Variants in MAP2 observed in about 807,000 individuals in gnomAD.
MAP2 encodes the protein microtubule-associated protein 2.
A neutral mutation model predicts 137.6 loss-of-function variants in MAP2; 14 were observed. The observed-to-expected ratio is 0.10, with a 90% confidence interval of 0.07 to 0.16. The LOEUF (loss-of-function observed/expected upper bound fraction) is 0.16. Ranked by LOEUF, MAP2 falls within the 10% of genes least tolerant of loss-of-function variation. The probability of loss-of-function intolerance (pLI) is 1.00; values close to 1 mark genes in which losing one functional copy is unlikely to be tolerated. For missense variants in MAP2, 2,088 were observed against 2,191.5 expected (o/e 0.95, Z 0.94); for synonymous variants, 786 against 782.3 (o/e 1.00, Z -0.08).
chr2:209,725,900 A>G (rs891228844), intron 14 of MAP2, 110 bp downstream of exon 14: 1 of 595,328 alleles, frequency 1.7e-6, no homozygotes, highest in Non-Finnish European at 2.8e-6. Flanking sequence ...GTTTTAAAAT[A>G]TGGGTACTTC....
chr2:209,601,217 T>C (rs965839234), intron 3 of MAP2, among the ~76,000 whole-genome samples: 19 of 152,310 alleles, frequency 1.2e-4, no homozygotes, highest in African/African-American at 4.3e-4. Flanking sequence ...AAAATTTTTA[T>C]TTTTATTTAG....
intron 11 of MAP2, among the ~76,000 whole-genome samples, chr2:209,702,964 C>A (rs1418536472): frequency 6.6e-6 from 1 of 152,068 alleles, no homozygotes; most frequent in Non-Finnish European, 1.5e-5. Context: ...TCATACTTAT[C>A]TATATTTTTA....
intron 1 of MAP2, among the ~76,000 whole-genome samples, chr2:209,499,877 G>A (rs2060179850): frequency 1.3e-5 from 2 of 152,170 alleles, no homozygotes; most frequent in African/African-American, 2.4e-5. Flanking sequence ...ACCAAGCCAT[G>A]AGAGCTCTGC....
intron 2 of MAP2, among the ~76,000 whole-genome samples, chr2:209,532,449 A>G (rs2065265392): frequency 6.6e-6 from 1 of 152,124 alleles, no homozygotes; most frequent in Non-Finnish European, 1.5e-5. Context: ...AAACTAGGTA[A>G]TATTGTTATC....
At chr2:209,630,926 C>A (rs1187897733) in intron 4 of MAP2, among the ~76,000 whole-genome samples, 1 of 139,156 alleles carries the variant, frequency 7.2e-6, no homozygotes, top group African/African-American at 2.7e-5. Flanking sequence ...TGTTTATAAG[C>A]CCTTAAAAGT....
intron 2 of MAP2, among the ~76,000 whole-genome samples, chr2:209,518,569 T>G (rs2150361278): frequency 6.6e-6 from 1 of 152,172 alleles, no homozygotes; most frequent in Admixed American, 6.6e-5. Context: ...TGCCTCTTCT[T>G]TTCTTCCTTC....
intron 3 of MAP2, among the ~76,000 whole-genome samples, chr2:209,621,283 G>C (rs911433946): frequency 5.5e-5 from 7 of 127,070 alleles, no homozygotes; most frequent in African/African-American, 2.6e-4. Flanking sequence ...TTTTGAGAGA[G>C]AGTCTTGCTG....
chr2:209,572,191 A>C (rs1004597513), intron 2 of MAP2, among the ~76,000 whole-genome samples: 1 of 152,060 alleles, frequency 6.6e-6, no homozygotes, highest in Non-Finnish European at 1.5e-5. Flanking sequence ...GAGCAATTGG[A>C]AAGTGATTTC....
intron 1 of MAP2, among the ~76,000 whole-genome samples, chr2:209,428,451 C>G (rs1288442332): frequency 1.3e-5 from 2 of 149,772 alleles, no homozygotes; most frequent in African/African-American, 2.5e-5. Flanking sequence ...CATACCTTGA[C>G]TTTTTTCTTT....
intron 1 of MAP2, among the ~76,000 whole-genome samples, chr2:209,442,186 T>C (rs1260285559): frequency 1.3e-5 from 2 of 151,566 alleles, no homozygotes; most frequent in African/African-American, 2.4e-5. Flanking sequence ...TTCTATTAAG[T>C]CCTAATATTT....
chr2:209,439,957 GAT>G (rs1244212919), intron 1 of MAP2, among the ~76,000 whole-genome samples: 1 of 151,300 alleles, frequency 6.6e-6, no homozygotes, highest in Non-Finnish European at 1.5e-5. Context: ...AAAAAATCAT[GAT>G]AAGTTACAAA....
At position 209,730,547 on chromosome 2, in the gene MAP2, A is replaced by T; in HGVS notation, c.*150A>T. On this transcript the variant is annotated 3_prime_UTR_variant, in exon 16 of 16. Coordinates refer to ENST00000682079, the MANE Select transcript of MAP2 (RefSeq NM_001375505.1). ...TAGTAATTGTTACAATTTTCTATTT[A>T]AAAAATGAATAGTACATGCAGAAAT... is the stretch of plus-strand genomic sequence containing the variant. 1 of 640,850 alleles carries T rather than the reference A, an allele frequency of 1.6e-6. No homozygotes were observed. The highest frequency in any genetic ancestry group is 2.0e-5 in the South Asian group (1 of 49,992). 39.7% of individuals were successfully genotyped at this position (640,850 alleles called of 1,614,324 possible).
At chr2:209,550,324 T>C (rs189885159) in intron 2 of MAP2, among the ~76,000 whole-genome samples, 1 of 152,300 alleles carries the variant, frequency 6.6e-6, no homozygotes, top group East Asian at 1.9e-4. Context: ...CTTATGATTA[T>C]AGAAATAAAG....
intron 3 of MAP2, among the ~76,000 whole-genome samples, chr2:209,622,462 A>G (rs929854176): frequency 6.6e-6 from 1 of 152,184 alleles, no homozygotes. Context: ...TCTCATTTGT[A>G]AAGTGGGGAC....
At chr2:209,617,271 T>C (rs562963043) in intron 3 of MAP2, among the ~76,000 whole-genome samples, 58 of 152,240 alleles carry the variant, frequency 3.8e-4, no homozygotes, top group African/African-American at 1.4e-3. Context: ...TTTTGGGTTA[T>C]TGTTTTCTGA....
intron 3 of MAP2, among the ~76,000 whole-genome samples, chr2:209,598,838 A>T (rs1156711111): frequency 1.3e-5 from 2 of 150,646 alleles, no homozygotes; most frequent in African/African-American, 4.9e-5. Flanking sequence ...TTCTTAATCC[A>T]GTCTATCATT....
intron 3 of MAP2, among the ~76,000 whole-genome samples, chr2:209,593,619 CAAAA>C (rs781329429): frequency 5.1e-3 from 15 of 2,932 alleles, no homozygotes; most frequent in East Asian, 0.01. Flanking sequence ...CCTGTCTCTA[CAAAA>C]AAAAAAAAAA....
chr2:209,667,660 T>C (rs1377116157), intron 5 of MAP2, among the ~76,000 whole-genome samples: 2 of 151,994 alleles, frequency 1.3e-5, no homozygotes, highest in South Asian at 4.1e-4. Context: ...ATTGTAATAT[T>C]TTCCTGAAAA....
chr2:209,563,827 G>A (rs769914510), intron 2 of MAP2, among the ~76,000 whole-genome samples: 6 of 146,302 alleles, frequency 4.1e-5, no homozygotes, highest in African/African-American at 5.6e-5. Context: ...TTTGCTTTGC[G>A]TTGAAAAAAT....
Sources: allele counts gnomAD v4.1 joint callset (sites outside exome capture counted in the v4.1 genomes callset), GRCh38; gene constraint gnomAD v4.1.1; transcripts MANE v1.5; gene names NCBI Gene and HGNC (gene_info 2026-07-23, HGNC 2026-07-21).